Variants in ZBP1 observed in about 807,000 individuals in gnomAD.
The protein encoded by ZBP1 is Z-DNA binding protein 1, also known as Z-DNA-binding protein 1.
A neutral mutation model predicts 41.1 loss-of-function variants in ZBP1; 42 were observed. That is an observed-to-expected ratio of 1.02 (90% CI 0.80 to 1.32). The LOEUF (loss-of-function observed/expected upper bound fraction) is 1.32. Among genes scored for constraint, ZBP1 ranks in the 40% most tolerant of loss-of-function variants. The probability of loss-of-function intolerance (pLI) is 0.00; values close to 1 mark genes in which losing one functional copy is unlikely to be tolerated. For synonymous variants in ZBP1, 214 were observed against 205.2 expected, an observed-to-expected ratio of 1.04 and a Z score of -0.37; for missense variants, 562 against 549.7, an observed-to-expected ratio of 1.02 and a Z score of -0.22.
chr20:57,615,246 C>G, intron 3 of ZBP1, 186 bp from the exon 4 acceptor site: 1 of 720,882 alleles, frequency 1.4e-6, no homozygotes, highest in East Asian at 2.7e-5. Context: ...GGGGGATGTG[C>G]ACAGAGTGCT....
At chr20:57,607,173 T>C in intron 7 of ZBP1, 2 of 1,304,204 alleles carry the variant, frequency 1.5e-6, no homozygotes, top group Non-Finnish European at 2.0e-6. Flanking sequence ...CCAATCTACA[T>C]GCCGTTAAGA....
In ZBP1 at chr20:57,610,032, C is replaced by T; in HGVS notation, c.1093+117G>A. 2 of 1,221,922 alleles carry T rather than the reference C, an allele frequency of 1.6e-6. No homozygotes were observed. The highest frequency in any genetic ancestry group is 2.3e-6 in the Non-Finnish European group (2 of 857,600). The allele number at this position is 1,221,922 out of a possible 1,614,324, so 75.7% of individuals were successfully genotyped here. A position where few individuals can be genotyped will look rare whatever the true frequency, so the allele number is the denominator to read the frequency against. Reference sequence around the variant, plus strand: ...GCTCCTCGCTGTGGGTGGGCACAGCCTCCAGACTCCGGGAAACCAGAGATT... The same window carrying T: ...GCTCCTCGCTGTGGGTGGGCACAGCTTCCAGACTCCGGGAAACCAGAGATT... On this transcript the variant is annotated intron_variant, in intron 7 of 7. Coordinates refer to ENST00000371173, the MANE Select transcript of ZBP1 (RefSeq NM_030776.3). The surrounding 1 kb of genome is among the most constrained non-coding windows in gnomAD (Gnocchi z 5.5).
In ZBP1 at chr20:57,613,424, T is replaced by A; in HGVS notation, c.503-94A>T. 3 of 1,385,620 alleles carry A rather than the reference T, an allele frequency of 2.2e-6. No homozygotes were observed. The Middle Eastern group carries it at 5.5e-4, about 252-fold the overall frequency. 85.8% of individuals were successfully genotyped at this position (1,385,620 alleles called of 1,614,324 possible). A position where few individuals can be genotyped will look rare whatever the true frequency, so the allele number is the denominator to read the frequency against. On this transcript the variant is annotated intron_variant, in intron 4 of 7. Transcript: ENST00000371173. The surrounding 1 kb of genome is among the most constrained non-coding windows in gnomAD (Gnocchi z 4.5). ...GCAGCACCAAATTCTCCTGGGGAGC[T>A]TGTTAAAATACCCTGGGCGTTCCGA...
Position 57,610,682 on chromosome 20 carries a change from A to T in ZBP1, c.875-315T>A. 1 of 445,768 alleles carries T rather than the reference A, an allele frequency of 2.2e-6. No individual in the cohort carries two copies. Among genetic ancestry groups the T allele is most frequent in the Non-Finnish European group, 4.1e-6 (1 of 243,134 alleles). The allele number at this position is 445,768 out of a possible 1,614,324, so 27.6% of individuals were successfully genotyped here. ...CTCTCTCCTCTGCTGCCTGCTTCCC[A>T]CTGCACTGGAACACTGGCCCCCACT... On this transcript the variant is annotated intron_variant, in intron 6 of 7. Coordinates refer to ENST00000371173, the MANE Select transcript of ZBP1 (RefSeq NM_030776.3). This position sits in a 1 kb window ranked among gnomAD's most constrained non-coding sequence, Gnocchi z 5.5.
chr20:57,616,360 A>T lies in ZBP1; in HGVS notation c.143T>A (p.Val48Asp), dbSNP rs1279925750. 1 of 1,614,098 alleles carries T rather than the reference A, an allele frequency of 6.2e-7. No homozygotes were observed. Among genetic ancestry groups the T allele is most frequent in the Non-Finnish European group, 8.5e-7 (1 of 1,180,020 alleles). ...CQAPKRELNQ[V>D]LYRMKKELKV... ...CAACTCCTTTTTCATTCGGTAGAGGACTTGGTTGAGCTCCCTCTTGGGTGC... is the reference window on the plus strand; with the variant it reads ...CAACTCCTTTTTCATTCGGTAGAGGTCTTGGTTGAGCTCCCTCTTGGGTGC... The change falls in exon 2 of 8, where the codon GTC becomes GAC. Residue 48 changes from valine to aspartate, a missense_variant. Transcript: ENST00000371173.
chr20:57,615,850 T>G lies in ZBP1; in HGVS notation c.260-270A>C. Reference sequence around the variant, plus strand: ...CCCCAAAACAGTGCCTGGCTAATCTTAAGTGCATGATAAATGGCAGCTCCT... The same window carrying G: ...CCCCAAAACAGTGCCTGGCTAATCTGAAGTGCATGATAAATGGCAGCTCCT... On this transcript the variant is annotated intron_variant, in intron 2 of 7. Coordinates refer to ENST00000371173, the MANE Select transcript of ZBP1 (RefSeq NM_030776.3). 1.9e-5 allele frequency: 10 copies of G among 537,522 alleles called. No homozygotes were observed. The South Asian group carries it at 2.2e-4, about 12-fold the overall frequency. The allele number at this position is 537,522 out of a possible 1,614,324, so 33.3% of individuals were successfully genotyped here. A position where few individuals can be genotyped will look rare whatever the true frequency, so the allele number is the denominator to read the frequency against.
chr20:57,608,664 T>C (rs2146561721), intron 7 of ZBP1, among the ~76,000 whole-genome samples: 1 of 152,344 alleles, frequency 6.6e-6, no homozygotes, highest in Middle Eastern at 3.4e-3. Context: ...TCCTGAGGAA[T>C]GCGCTCCTGG....
chr20:57,612,014 C>A, intron 5 of ZBP1, 84 bp from the exon 6 acceptor site: 1 of 1,400,546 alleles, frequency 7.1e-7, no homozygotes, highest in African/African-American at 1.4e-5. Context: ...GGCCTGTCCT[C>A]TGAATTCTTC....
intron 1 of ZBP1, 97 bp from the exon 2 acceptor site, chr20:57,616,565 T>C: frequency 1.5e-6 from 2 of 1,294,580 alleles, no homozygotes; most frequent in African/African-American, 1.5e-5. Context: ...GTAGGCCCCT[T>C]TTTGAGAGGG....
At position 57,616,330 on chromosome 20, in the gene ZBP1, AC is replaced by A. The variant is rs2070827142; in HGVS notation, c.172del (p.Val58SerfsTer77). 1 of 1,613,886 alleles carries A rather than the reference AC, an allele frequency of 6.2e-7. No homozygotes were observed. The highest frequency in any genetic ancestry group is 8.5e-7 in the Non-Finnish European group (1 of 1,180,002). On this transcript the variant is annotated frameshift_variant, in exon 2 of 8. Transcript: ENST00000371173. LOFTEE classifies it high-confidence loss of function. ...VLYRMKKELK[V>X]SLTSPATWCL... ...CCAGGTGGCAGGGGATGTGAGGGAG[AC>A]TTTCAACTCCTTTTTCATTCGGTAG... is the stretch of plus-strand genomic sequence containing the variant.
intron 4 of ZBP1, among the ~76,000 whole-genome samples, chr20:57,614,160 G>C (rs551350771): frequency 6.6e-6 from 1 of 151,752 alleles, no homozygotes; most frequent in East Asian, 1.9e-4. Context: ...TCAGCCTCCC[G>C]AGTAGCTGGG....
At chr20:57,619,828 C>A (rs1255446547) in intron 1 of ZBP1, among the ~76,000 whole-genome samples, 1 of 151,588 alleles carries the variant, frequency 6.6e-6, no homozygotes, top group Non-Finnish European at 1.5e-5. Context: ...GCTATGCTGT[C>A]CCTTTCTATT....
At chr20:57,616,903 T>G in intron 1 of ZBP1, 2 of 200,568 alleles carry the variant, frequency 1.0e-5, no homozygotes, top group South Asian at 8.1e-5. Flanking sequence ...CCCATCGCCA[T>G]CCTCCCCGGG....
At chr20:57,616,075 C>G (rs2070815996) in intron 2 of ZBP1, 169 bp downstream of exon 2, 1 of 685,366 alleles carries the variant, frequency 1.5e-6, no homozygotes, top group Non-Finnish European at 2.5e-6. Context: ...ACCAAGCAGC[C>G]CTGCTGTGAG....
At chr20:57,616,952 A>G (rs2070854088) in intron 1 of ZBP1, 1 of 181,698 alleles carries the variant, frequency 5.5e-6, no homozygotes, top group Admixed American at 5.5e-5. Context: ...CCATGGCGCC[A>G]CTATCCATCC....
chr20:57,604,296 G>C lies in ZBP1; in HGVS notation c.*277C>G. The C allele has an allele frequency of 1.7e-6, 1 of 597,510 alleles. No homozygotes were observed. The allele number at this position is 597,510 out of a possible 1,614,324, so 37.0% of individuals were successfully genotyped here. Reference sequence around the variant, plus strand: ...AGGAAAGAGTGGAGAGAGTCCCCTGGGCCTGGGGGACCGAGCCCCACTCCC... The same window carrying C: ...AGGAAAGAGTGGAGAGAGTCCCCTGCGCCTGGGGGACCGAGCCCCACTCCC... On this transcript the variant is annotated 3_prime_UTR_variant, in exon 8 of 8. Coordinates refer to ENST00000371173, the MANE Select transcript of ZBP1 (RefSeq NM_030776.3).
Position 57,611,743 on chromosome 20 carries a change from G to A in ZBP1, c.858C>T (p.Pro286=), listed in dbSNP as rs1184302307. ...CCCAGTTACCTGGGGGGCTGCCAGG[G>A]GGGATGTGGGCAGGGCCCTCGGACG... The part of the protein sequence containing the change: ...GVPSEGPAHI[P]PGSPPVSATA... Residue 286 remains proline, a synonymous_variant, in exon 6 of 8, where the codon CCC becomes CCT. Transcript: ENST00000371173. 11 of 1,610,764 alleles carry A rather than the reference G, an allele frequency of 6.8e-6. No individual in the cohort carries two copies. The highest frequency in any genetic ancestry group is 1.3e-5 in the African/African-American group (1 of 74,892).
At chr20:57,608,662 A>C (rs1157555366) in intron 7 of ZBP1, among the ~76,000 whole-genome samples, 1 of 152,226 alleles carries the variant, frequency 6.6e-6, no homozygotes, top group African/African-American at 2.4e-5. Flanking sequence ...AGTCCTGAGG[A>C]ATGCGCTCCT....
In ZBP1 at chr20:57,611,798, T is replaced by A; in HGVS notation, c.803A>T (p.His268Leu). ...QSILRRVQLGHSNEMRLHGVP... is the reference protein window; with the variant it reads ...QSILRRVQLGLSNEMRLHGVP... ...GCCGTGGAGCCTCATCTCATTGCTG[T>A]GTCCCAGCTGCACCCGTCTCAGTAT... Residue 268 changes from histidine (H) to leucine (L), a missense_variant, in exon 6 of 8, where the codon CAC (histidine) becomes CTC (leucine). Physicochemically the swap from His to Leu is moderately conservative, Grantham distance 99. Coordinates refer to ENST00000371173, the MANE Select transcript of ZBP1 (RefSeq NM_030776.3). 1 of 1,612,754 alleles carries A rather than the reference T, an allele frequency of 6.2e-7. No homozygotes were observed. The highest frequency in any genetic ancestry group is 8.5e-7 in the Non-Finnish European group (1 of 1,179,626).
Sources: allele counts gnomAD v4.1 joint callset (sites outside exome capture counted in the v4.1 genomes callset), GRCh38; gene constraint gnomAD v4.1.1; non-coding constraint Gnocchi (gnomAD v3.1); transcripts MANE v1.5; gene names NCBI Gene and HGNC (gene_info 2026-07-23, HGNC 2026-07-21).